SLC8A1: variants seen among roughly 807,000 people sequenced by gnomAD.
The protein encoded by SLC8A1 is solute carrier family 8 member A1, also known as sodium/calcium exchanger 1.
SLC8A1 carries 18 observed loss-of-function variants against 68.3 expected under a neutral mutation model. That is an observed-to-expected ratio of 0.26 (90% CI 0.18 to 0.39). The LOEUF (loss-of-function observed/expected upper bound fraction) is 0.39. Ranked by LOEUF, SLC8A1 falls within the 10% of genes least tolerant of loss-of-function variation. The probability of loss-of-function intolerance (pLI) is 1.00; values close to 1 mark genes in which losing one functional copy is unlikely to be tolerated. For missense variants in SLC8A1, 985 were observed against 1,156.7 expected, an observed-to-expected ratio of 0.85 and a Z score of 2.15; for synonymous variants, 475 against 415.5, an observed-to-expected ratio of 1.14 and a Z score of -1.74.
intron 1 of SLC8A1, among the ~76,000 whole-genome samples, chr2:40,484,963 G>A (rs1704863008): frequency 1.3e-5 from 2 of 152,154 alleles, no homozygotes; most frequent in Admixed American, 6.5e-5. Context: ...AGTCTCTGAA[G>A]AATTCAAGAA....
At chr2:40,228,904 T>C (rs2059315215) in intron 2 of SLC8A1, among the ~76,000 whole-genome samples, 2 of 152,188 alleles carry the variant, frequency 1.3e-5, no homozygotes, top group African/African-American at 2.4e-5. Flanking sequence ...CACTTTACAG[T>C]TCCTTTTGCA....
chr2:40,373,034 G>A (rs4952613), intron 2 of SLC8A1, among the ~76,000 whole-genome samples: 103,277 of 150,922 alleles, frequency 0.68, 36,410 homozygotes, highest in African/African-American at 0.86. Context: ...ACTTAAGGGG[G>A]AAAAAAAAAT....
chr2:40,152,046 A>G (rs912778676), intron 6 of SLC8A1, among the ~76,000 whole-genome samples: 18 of 152,190 alleles, frequency 1.2e-4, no homozygotes, highest in African/African-American at 4.3e-4. Context: ...TAAGCACCAA[A>G]TGTCTTAAGT....
chr2:40,365,050 C>G (rs764816506), intron 2 of SLC8A1, among the ~76,000 whole-genome samples: 1 of 152,016 alleles, frequency 6.6e-6, no homozygotes, highest in Non-Finnish European at 1.5e-5. Context: ...ATTCTTTCAA[C>G]CCTGATGCCT....
intron 2 of SLC8A1, among the ~76,000 whole-genome samples, chr2:40,364,563 T>G (rs1017918435): frequency 6.6e-6 from 1 of 152,048 alleles, no homozygotes; most frequent in East Asian, 1.9e-4. Flanking sequence ...TGTTCACATG[T>G]CTTCACAAAA....
At chr2:40,147,171 A>C (rs1177290736) in intron 6 of SLC8A1, among the ~76,000 whole-genome samples, 1 of 152,214 alleles carries the variant, frequency 6.6e-6, no homozygotes, top group African/African-American at 2.4e-5. Context: ...TGCAAGTTCG[A>C]TTATTACCAA....
At chr2:40,343,136 A>G (rs1276108054) in intron 2 of SLC8A1, among the ~76,000 whole-genome samples, 2 of 152,134 alleles carry the variant, frequency 1.3e-5, no homozygotes, top group Non-Finnish European at 2.9e-5. Context: ...TTCAATGTAA[A>G]ACTTGGGCAA....
chr2:40,304,934 T>C (rs1454717457), intron 2 of SLC8A1, among the ~76,000 whole-genome samples: 1 of 152,134 alleles, frequency 6.6e-6, no homozygotes, highest in African/African-American at 2.4e-5. Context: ...CCCCATCCAT[T>C]TGACACTAAC....
At chr2:40,447,548 G>A (rs1336701198) in intron 1 of SLC8A1, among the ~76,000 whole-genome samples, 2 of 146,382 alleles carry the variant, frequency 1.4e-5, no homozygotes, top group African/African-American at 2.5e-5. Context: ...CAGGCCCCCA[G>A]GACTTTGTCT....
intron 2 of SLC8A1, among the ~76,000 whole-genome samples, chr2:40,420,412 G>T (rs1307533456): frequency 2.0e-5 from 3 of 151,144 alleles, no homozygotes; most frequent in Admixed American, 6.6e-5. Context: ...AAGAAAAGCT[G>T]CATTCATTAT....
At chr2:40,301,869 C>T (rs900574883) in intron 2 of SLC8A1, among the ~76,000 whole-genome samples, 6 of 151,934 alleles carry the variant, frequency 3.9e-5, no homozygotes, top group African/African-American at 1.5e-4. Flanking sequence ...TACTGAACCC[C>T]AATTTTTTTT....
At chr2:40,502,215 A>G (rs1382465909) in intron 1 of SLC8A1, among the ~76,000 whole-genome samples, 1 of 152,086 alleles carries the variant, frequency 6.6e-6, no homozygotes, top group African/African-American at 2.4e-5. Context: ...ACTCATTGCT[A>G]CATGGTTTAT....
intron 2 of SLC8A1, among the ~76,000 whole-genome samples, chr2:40,311,460 C>A (rs190023887): frequency 3.3e-4 from 50 of 151,872 alleles, no homozygotes; most frequent in Admixed American, 9.8e-4. Flanking sequence ...AAATCGAAGG[C>A]ATTAATATGG....
At chr2:40,266,830 T>C (rs910200609) in intron 2 of SLC8A1, among the ~76,000 whole-genome samples, 3 of 152,154 alleles carry the variant, frequency 2.0e-5, no homozygotes, top group South Asian at 2.1e-4. Context: ...GTGAATAAAA[T>C]TGGCACTCTG....
intron 1 of SLC8A1, among the ~76,000 whole-genome samples, chr2:40,449,089 T>C (rs759813388): frequency 6.6e-6 from 1 of 150,396 alleles, no homozygotes; most frequent in African/African-American, 2.4e-5. Context: ...CTATATACTA[T>C]CCTCCCTGTA....
At chr2:40,114,246 G>C (rs951362901) in exon 8 of SLC8A1, 1 of 152,832 alleles carries the variant, frequency 6.5e-6, no homozygotes, top group African/African-American at 2.4e-5. Flanking sequence ...ACTGGAACAG[G>C]ATTGTGCAAG....
intron 2 of SLC8A1, among the ~76,000 whole-genome samples, chr2:40,331,502 T>A (rs2076402282): frequency 6.6e-6 from 1 of 152,204 alleles, no homozygotes; most frequent in Non-Finnish European, 1.5e-5. Context: ...CAAAATTTTA[T>A]GTGAGTTAAC....
intron 2 of SLC8A1, among the ~76,000 whole-genome samples, chr2:40,316,430 G>A (rs567528192): frequency 2.6e-5 from 4 of 152,052 alleles, no homozygotes; most frequent in Admixed American, 1.3e-4. Flanking sequence ...TTTGAACGTC[G>A]TATAGGAACA....
chr2:40,212,720 C>T (rs1214598729), intron 2 of SLC8A1, among the ~76,000 whole-genome samples: 4 of 152,208 alleles, frequency 2.6e-5, no homozygotes, highest in Non-Finnish European at 5.9e-5. Flanking sequence ...TTCTTCTTTT[C>T]TTTTCTTTCT....
Sources: gnomAD v4.1 joint callset for allele counts (sites outside exome capture counted in the v4.1 genomes callset) on GRCh38, gnomAD v4.1.1 for gene constraint, MANE v1.5 for transcripts, NCBI Gene and HGNC (gene_info 2026-07-23, HGNC 2026-07-21) for gene names.